The following MAF variants were observed in gnomAD, a reference collection of about 807,000 sequenced individuals.
MAF encodes MAF bZIP transcription factor, also known as transcription factor Maf.
MAF carries 10 observed loss-of-function variants against 22.0 expected under a neutral mutation model. The ratio of observed to expected loss-of-function variants is 0.45; its 90% CI spans 0.28 to 0.77. The LOEUF (loss-of-function observed/expected upper bound fraction) is 0.77, where lower values mean the gene tolerates loss of function less well. MAF is among the 30% of genes least tolerant of loss of function. The probability of loss-of-function intolerance (pLI) is 0.12; values close to 1 mark genes in which losing one functional copy is unlikely to be tolerated. For synonymous variants in MAF, 337 were observed against 255.8 expected (o/e 1.32, Z -3.03); for missense variants, 544 against 548.4 (o/e 0.99, Z 0.08).
At chr16:79,339,148 C>A in the MAF span, among the ~76,000 whole-genome samples, 1 of 152,166 alleles carries the variant, frequency 6.6e-6, no homozygotes, top group African/African-American at 2.4e-5. Context: ...CGGCTCACTG[C>A]AAGCTCCGCC....
At chr16:79,447,891 C>CAAAAAAAAAAAAA in the MAF span, among the ~76,000 whole-genome samples, 11 of 72,564 alleles carry the variant, frequency 1.5e-4, no homozygotes, top group African/African-American at 6.9e-4. Context: ...GATTCCATCT[C>CAAAAAAAAAAAAA]AAAAAAAAAA....
chr16:79,293,037 T>C, the MAF span, among the ~76,000 whole-genome samples: 3 of 152,206 alleles, frequency 2.0e-5, no homozygotes, highest in Admixed American at 2.0e-4. Context: ...GAAATAACTA[T>C]AAATATACTC....
At chr16:79,560,744 G>C in the MAF span, among the ~76,000 whole-genome samples, 5 of 152,130 alleles carry the variant, frequency 3.3e-5, no homozygotes, top group African/African-American at 9.7e-5. Context: ...TACTCATCCA[G>C]AGAGGCCACT....
chr16:79,358,626 C>T, the MAF span, among the ~76,000 whole-genome samples: 1 of 152,036 alleles, frequency 6.6e-6, no homozygotes, highest in Admixed American at 6.6e-5. Flanking sequence ...TACTTTTTTG[C>T]GAGGATGTAA....
At chr16:79,454,386 C>T in the MAF span, among the ~76,000 whole-genome samples, 49 of 152,242 alleles carry the variant, frequency 3.2e-4, no homozygotes, top group African/African-American at 1.0e-3. Context: ...ACCAGAAATC[C>T]GAGACCAGCT....
chr16:79,390,101 G>C, the MAF span, among the ~76,000 whole-genome samples: 1 of 151,152 alleles, frequency 6.6e-6, no homozygotes. Flanking sequence ...GCCTGAACAT[G>C]TGCATTGGTG....
chr16:79,272,197 C>T, the MAF span, among the ~76,000 whole-genome samples: 424 of 152,332 alleles, frequency 2.8e-3, no homozygotes, highest in African/African-American at 9.2e-3. Context: ...TTCCTCTGAA[C>T]GCGCTCAGAG....
the MAF span, among the ~76,000 whole-genome samples, chr16:79,425,451 G>A: frequency 6.6e-6 from 1 of 152,200 alleles, no homozygotes; most frequent in African/African-American, 2.4e-5. Flanking sequence ...AGCAAACTCA[G>A]TGTTCAGGGC....
At chr16:79,564,198 T>A in the MAF span, among the ~76,000 whole-genome samples, 1 of 152,340 alleles carries the variant, frequency 6.6e-6, no homozygotes, top group South Asian at 2.1e-4. Context: ...TTCCTCCTCT[T>A]TACCTTAGCA....
the MAF span, among the ~76,000 whole-genome samples, chr16:79,496,354 A>G: frequency 2.0e-5 from 3 of 152,248 alleles, no homozygotes; most frequent in African/African-American, 7.2e-5. Flanking sequence ...GCTTCTAGGC[A>G]GCCATCATTT....
At chr16:79,523,954 T>C in the MAF span, among the ~76,000 whole-genome samples, 142 of 152,300 alleles carry the variant, frequency 9.3e-4, no homozygotes, top group Middle Eastern at 0.014. Context: ...TGGAATAATA[T>C]AGTTGTCATG....
At chr16:79,429,373 T>C in the MAF span, among the ~76,000 whole-genome samples, 1 of 152,294 alleles carries the variant, frequency 6.6e-6, no homozygotes, top group African/African-American at 2.4e-5. Context: ...TGCTCTTTTG[T>C]GTGCCTCCTC....
chr16:79,277,215 G>T, the MAF span, among the ~76,000 whole-genome samples: 1 of 151,986 alleles, frequency 6.6e-6, no homozygotes, highest in Non-Finnish European at 1.5e-5. Flanking sequence ...CGTGCAGTTC[G>T]GTGTAACCTC....
chr16:79,486,697 A>G, the MAF span, among the ~76,000 whole-genome samples: 11 of 152,166 alleles, frequency 7.2e-5, no homozygotes, highest in Admixed American at 2.0e-4. Flanking sequence ...CGAGACAGAG[A>G]GAGAGCATAA....
At chr16:79,400,424 C>G in the MAF span, among the ~76,000 whole-genome samples, 5 of 152,240 alleles carry the variant, frequency 3.3e-5, no homozygotes, top group African/African-American at 1.2e-4. Context: ...CCCACAAGGT[C>G]TTAGGAAGAT....
chr16:79,352,720 G>T, the MAF span, among the ~76,000 whole-genome samples: 1 of 152,174 alleles, frequency 6.6e-6, no homozygotes, highest in African/African-American at 2.4e-5. Flanking sequence ...CGGCCTCAGT[G>T]CTATGGGCAT....
At chr16:79,563,540 A>T in the MAF span, among the ~76,000 whole-genome samples, 1 of 151,896 alleles carries the variant, frequency 6.6e-6, no homozygotes, top group East Asian at 1.9e-4. Context: ...ATATCTCAGT[A>T]ATACATTTTT....
the MAF span, among the ~76,000 whole-genome samples, chr16:79,575,261 A>G: frequency 6.6e-6 from 1 of 152,100 alleles, no homozygotes; most frequent in Non-Finnish European, 1.5e-5. Flanking sequence ...GCCTTACCCA[A>G]TGCCATGACC....
the MAF span, among the ~76,000 whole-genome samples, chr16:79,508,930 C>T: frequency 6.6e-6 from 1 of 152,122 alleles, no homozygotes; most frequent in African/African-American, 2.4e-5. Flanking sequence ...TGTTTTGGAA[C>T]TGTATAGAGG....
Sources: gnomAD v4.1 joint callset for allele counts (sites outside exome capture counted in the v4.1 genomes callset) on GRCh38, gnomAD v4.1.1 for gene constraint, MANE v1.5 for transcripts, NCBI Gene and HGNC (gene_info 2026-07-23, HGNC 2026-07-21) for gene names.